Variants in CNNM1 observed in about 807,000 individuals in gnomAD.
The protein encoded by CNNM1 is cyclin and CBS domain divalent metal cation transport mediator 1, also known as metal transporter CNNM1.
In CNNM1, 44 loss-of-function variants were observed where a neutral mutation model predicts 78.8. The ratio of observed to expected loss-of-function variants is 0.56; its 90% CI spans 0.44 to 0.72. CNNM1 has a LOEUF of 0.72. CNNM1 is among the 30% of genes least tolerant of loss of function. The probability of loss-of-function intolerance (pLI) is 0.00; values close to 1 mark genes in which losing one functional copy is unlikely to be tolerated. For missense variants in CNNM1, 1,101 were observed against 1,292.2 expected, an observed-to-expected ratio of 0.85 and a Z score of 2.27; for synonymous variants, 584 against 581.5, an observed-to-expected ratio of 1.00 and a Z score of -0.06.
intron 1 of CNNM1, among the ~76,000 whole-genome samples, chr10:99,352,751 T>C (rs1382318400): frequency 6.6e-6 from 1 of 152,192 alleles, no homozygotes; most frequent in Non-Finnish European, 1.5e-5. Context: ...ATATTCTGGA[T>C]ATAAGTCTTT....
chr10:99,365,191 G>C (rs980764473), intron 6 of CNNM1, 189 bp downstream of exon 6: 3 of 683,486 alleles, frequency 4.4e-6, no homozygotes, highest in Non-Finnish European at 8.0e-6. Flanking sequence ...CTTAGGTTCT[G>C]TGTGTCTGGA....
rs1253925701 is a variant in CNNM1 at position 99,330,424 on chromosome 10, T to C, written c.1037T>C (p.Val346Ala). 5 of 1,593,712 alleles carry C rather than the reference T, an allele frequency of 3.1e-6. No homozygotes were observed. In the South Asian group the frequency reaches 3.4e-5, roughly 11 times the overall value. Reference sequence around the variant, plus strand: ...GGCGCCGAAATCTGCCCCTACTCAGTGTGTTCGCGGCACGGGCTGGCCATC... The same window carrying C: ...GGCGCCGAAATCTGCCCCTACTCAGCGTGTTCGCGGCACGGGCTGGCCATC... The part of the protein sequence containing the change: ...FLGAEICPYS[V>A]CSRHGLAIAS... Residue 346 changes from valine (V) to alanine (A), a missense_variant, in exon 1 of 11, where the codon GTG (valine) becomes GCG (alanine). Around this residue, in one of 3 missense-constraint regions of CNNM1, gnomAD observed 277 missense variants for 423.2 expected, o/e 0.65. Coordinates refer to ENST00000356713, the MANE Select transcript of CNNM1 (RefSeq NM_020348.3).
chr10:99,370,515 A>G (rs2031763403), intron 6 of CNNM1, among the ~76,000 whole-genome samples: 1 of 152,102 alleles, frequency 6.6e-6, no homozygotes, highest in Non-Finnish European at 1.5e-5. Flanking sequence ...ATTCTGTGGT[A>G]TTTCCTCTGT....
At chr10:99,346,905 C>G (rs552074686) in intron 1 of CNNM1, among the ~76,000 whole-genome samples, 3 of 152,152 alleles carry the variant, frequency 2.0e-5, no homozygotes, top group African/African-American at 7.2e-5. Flanking sequence ...CCACTGCACT[C>G]GGCCTTATGT....
chr10:99,352,335 T>A (rs1360724563), intron 1 of CNNM1, among the ~76,000 whole-genome samples: 1 of 152,252 alleles, frequency 6.6e-6, no homozygotes, highest in African/African-American at 2.4e-5. Context: ...TATCCAATTG[T>A]ATTGATATAA....
rs2030348604 is a variant in CNNM1 at position 99,339,617 on chromosome 10, G to A, written c.1573+8657G>A. Among the ~76,000 whole-genome samples, 6 of 152,278 alleles carry A rather than the reference G, an allele frequency of 3.9e-5. No homozygotes were observed. In the South Asian group the frequency reaches 1.2e-3, roughly 32 times the overall value. On this transcript the variant is annotated intron_variant, in intron 1 of 10. Coordinates refer to ENST00000356713, the MANE Select transcript of CNNM1 (RefSeq NM_020348.3). ...AATCTAATGCCTGATGATCTGAGGT[G>A]GAACAGTTCCATCCCCAAACCATGC...
Position 99,390,380 on chromosome 10 carries a change from G to C in CNNM1, c.2749G>C (p.Val917Leu). The C allele has an allele frequency of 6.2e-7, 1 of 1,612,828 alleles. No individual in the cohort carries two copies. Among genetic ancestry groups the C allele is most frequent in the Non-Finnish European group, 8.5e-7 (1 of 1,179,380 alleles). ...SPCSSDFEEN[V>L]GKKLLRTLSG... ...CTGCAGTAGCGATTTTGAGGAAAAC[G>C]TGGGCAAGAAGCTGCTGAGAACCTT... The change falls in exon 10 of 11, where the codon GTG (valine) becomes CTG (leucine). Residue 917 changes from valine (V) to leucine (L), a missense_variant. Val to Leu is a conservative substitution (Grantham distance 32). Around this residue, in one of 3 missense-constraint regions of CNNM1, gnomAD observed 348 missense variants for 384.5 expected, o/e 0.90. Coordinates refer to ENST00000356713, the MANE Select transcript of CNNM1 (RefSeq NM_020348.3).
chr10:99,364,622 A>T (rs954191618), intron 5 of CNNM1, 106 bp downstream of exon 5: 93 of 917,132 alleles, frequency 1.0e-4, no homozygotes, highest in Non-Finnish European at 1.2e-4. Flanking sequence ...ATCAGCCTGG[A>T]CAAGCCATTT....
chr10:99,336,621 G>A lies in CNNM1; in HGVS notation c.1573+5661G>A, dbSNP rs141467485. 1.1e-3 allele frequency among the ~76,000 whole-genome samples: 160 copies of A among 152,320 alleles called. 1 individual carries two copies. The highest frequency in any genetic ancestry group is 1.9e-3 in the Non-Finnish European group (132 of 68,040). On this transcript the variant is annotated intron_variant, in intron 1 of 10. Transcript: ENST00000356713. ...TCAACATAGTCCTTGTCTCTATAGA[G>A]CTTCACTCTAATACAGGAAACAGAA...
At chr10:99,346,150 T>C (rs2030686330) in intron 1 of CNNM1, among the ~76,000 whole-genome samples, 1 of 152,170 alleles carries the variant, frequency 6.6e-6, no homozygotes, top group Non-Finnish European at 1.5e-5. Flanking sequence ...CTACATGTGA[T>C]TGAGATGGGG....
intron 7 of CNNM1, among the ~76,000 whole-genome samples, chr10:99,380,575 G>C (rs892101350): frequency 2.6e-5 from 4 of 152,162 alleles, no homozygotes; most frequent in Non-Finnish European, 4.4e-5. Context: ...TGTATCACCT[G>C]AGGTCAGGAG....
chr10:99,384,357 T>A (rs55885558), intron 7 of CNNM1, among the ~76,000 whole-genome samples: 35,125 of 151,892 alleles, frequency 0.23, 5,341 homozygotes, highest in African/African-American at 0.44. Flanking sequence ...AAATTTTTTT[T>A]AAAAAGAGAG....
intron 6 of CNNM1, among the ~76,000 whole-genome samples, chr10:99,366,877 G>A (rs762824939): frequency 3.6e-4 from 54 of 152,110 alleles, no homozygotes; most frequent in Non-Finnish European, 6.8e-4. Context: ...GCTTTCAGTT[G>A]CATCAGTGAG....
At chr10:99,386,000 T>C (rs1299155162) in intron 7 of CNNM1, among the ~76,000 whole-genome samples, 1 of 152,186 alleles carries the variant, frequency 6.6e-6, no homozygotes, top group Non-Finnish European at 1.5e-5. Context: ...GGGGGAAATT[T>C]TGGAACGTGA....
At chr10:99,341,989 T>G (rs2030478977) in intron 1 of CNNM1, among the ~76,000 whole-genome samples, 1 of 152,234 alleles carries the variant, frequency 6.6e-6, no homozygotes, top group Admixed American at 6.5e-5. Flanking sequence ...TTACATTTTT[T>G]TCTGTCCTCT....
In CNNM1 at chr10:99,330,051, G is replaced by A. The variant is rs538430718; in HGVS notation, c.664G>A (p.Ala222Thr). 3.3e-6 allele frequency: 5 copies of A among 1,511,798 alleles called. No homozygotes were observed. In the East Asian group the frequency reaches 7.9e-5, roughly 24 times the overall value. 93.6% of individuals were successfully genotyped at this position (1,511,798 alleles called of 1,614,324 possible). Residue 222 changes from alanine (A) to threonine (T), a missense_variant, in exon 1 of 11, where the codon GCG (alanine) becomes ACG (threonine). Ala to Thr is a moderately conservative substitution (Grantham distance 58). Transcript: ENST00000356713. ...CCCAGGCGGGGACCTGCTGCCCCCT[G>A]CGTGGCTGCGGGCGCTCGGGGCGCT... Reference protein sequence around the residue: ...YGPGGDLLPPAWLRALGALLL... With the variant: ...YGPGGDLLPPTWLRALGALLL...
chr10:99,355,431 AG>A (rs1279055413), intron 1 of CNNM1, among the ~76,000 whole-genome samples: 5 of 152,360 alleles, frequency 3.3e-5, no homozygotes, highest in African/African-American at 1.2e-4. Context: ...TAATAAAAAA[AG>A]AGTTTATAAA....
intron 1 of CNNM1, among the ~76,000 whole-genome samples, chr10:99,340,871 T>TGCC: frequency 7.1e-6 from 1 of 141,526 alleles, no homozygotes; most frequent in African/African-American, 3.0e-5. Context: ...GCTTCCTTCC[T>TGCC]TCCTTCCTGC....
At chr10:99,389,596 A>G (rs532461269) in intron 9 of CNNM1, among the ~76,000 whole-genome samples, 21 of 152,232 alleles carry the variant, frequency 1.4e-4, no homozygotes, top group Admixed American at 3.9e-4. Context: ...AGAAAATGTA[A>G]CAAAGGAATA....
Sources: allele counts gnomAD v4.1 joint callset (sites outside exome capture counted in the v4.1 genomes callset), GRCh38; gene constraint gnomAD v4.1.1; regional missense constraint gnomAD v4.1.1; transcripts MANE v1.5; gene names NCBI Gene and HGNC (gene_info 2026-07-23, HGNC 2026-07-21).